Variants in FRMPD1 observed in about 807,000 individuals in gnomAD.
FRMPD1 encodes the protein FERM and PDZ domain containing 1.
FRMPD1 carries 76 observed loss-of-function variants against 117.8 expected under a neutral mutation model. That is an observed-to-expected ratio of 0.65 (90% CI 0.54 to 0.78). FRMPD1 has a LOEUF of 0.78. FRMPD1 is among the 30% of genes least tolerant of loss of function. The pLI, the probability that FRMPD1 is intolerant of heterozygous loss-of-function variation, is 0.00. For synonymous variants in FRMPD1, 783 were observed against 770.4 expected (o/e 1.02, Z -0.27); for missense variants, 1,786 against 1,964.5 (o/e 0.91, Z 1.72).
At chr9:37,656,497 A>G (rs1213579833) in intron 1 of FRMPD1, among the ~76,000 whole-genome samples, 2 of 152,250 alleles carry the variant, frequency 1.3e-5, no homozygotes, top group African/African-American at 2.4e-5. Context: ...AAAGCTTTCA[A>G]ACACCAAATA....
the FRMPD1 span, among the ~76,000 whole-genome samples, chr9:37,615,541 G>C: frequency 2.0e-5 from 3 of 152,088 alleles, no homozygotes; most frequent in Admixed American, 6.5e-5. Context: ...AGGTGACTTA[G>C]CAAATCTCTA....
At position 37,745,101 on chromosome 9, in the gene FRMPD1, C is replaced by A. The variant is rs1302150408; in HGVS notation, c.3069C>A (p.Asp1023Glu). ...TCTCCAGTGGTGACCCTAACCCAGACAGAGCCTGCCTGGCCAGCAACCCAG... is the reference window on the plus strand; with the variant it reads ...TCTCCAGTGGTGACCCTAACCCAGAAAGAGCCTGCCTGGCCAGCAACCCAG... ...FSLSSGDPNP[D>E]RACLASNPGL... The change falls in exon 16 of 16, where the codon GAC (aspartate) becomes GAA (glutamate). Residue 1023 changes from aspartate to glutamate, a missense_variant. By Grantham distance (45) the Asp-to-Glu change is conservative (BLOSUM62 2). Coordinates refer to ENST00000377765, the MANE Select transcript of FRMPD1 (RefSeq NM_014907.3). 6.2e-7 allele frequency: 1 copy of A among 1,614,018 alleles called. No individual in the cohort carries two copies. The highest frequency in any genetic ancestry group is 1.3e-5 in the African/African-American group (1 of 74,942).
chr9:37,632,909 A>G, the FRMPD1 span, among the ~76,000 whole-genome samples: 1,721 of 147,796 alleles, frequency 0.012, 38 homozygotes, highest in East Asian at 0.094. Context: ...AAATTTCTGT[A>G]TATATATAAT....
upstream of FRMPD1, among the ~76,000 whole-genome samples, chr9:37,647,476 C>T (rs919265659): frequency 1.3e-5 from 2 of 148,792 alleles, no homozygotes; most frequent in Admixed American, 6.7e-5. Context: ...CGCGCCACTG[C>T]ACTCCAGCCT....
rs761046089 is a variant in FRMPD1 at position 37,746,813 on chromosome 9, A to T, written c.*44A>T. On this transcript the variant is annotated 3_prime_UTR_variant, in exon 16 of 16. Transcript: ENST00000377765. ...GGCCTCCTGCCCTGTCCTGCCTTGG[A>T]CACTTCCCTGAGAAGCCCCTTCCAC... 2 of 1,387,290 alleles carry T rather than the reference A, an allele frequency of 1.4e-6. No homozygotes were observed. Among genetic ancestry groups the T allele is most frequent in the South Asian group, 2.4e-5 (2 of 84,006 alleles). 85.9% of individuals were successfully genotyped at this position (1,387,290 alleles called of 1,614,324 possible).
chr9:37,709,963 T>C (rs1822849122), intron 4 of FRMPD1, among the ~76,000 whole-genome samples: 1 of 152,216 alleles, frequency 6.6e-6, no homozygotes, highest in Non-Finnish European at 1.5e-5. Flanking sequence ...TCTGCTGTCT[T>C]TTGCATGTGA....
chr9:37,675,350 G>A (rs1275928416), intron 1 of FRMPD1, among the ~76,000 whole-genome samples: 3 of 151,838 alleles, frequency 2.0e-5, no homozygotes, highest in African/African-American at 7.3e-5. Context: ...GAAACTGGGA[G>A]ATGGAGGTTG....
At chr9:37,628,585 T>C in the FRMPD1 span, among the ~76,000 whole-genome samples, 3 of 152,250 alleles carry the variant, frequency 2.0e-5, no homozygotes, top group East Asian at 1.9e-4. Context: ...TATTAGCAAC[T>C]GTATTTAAAA....
the FRMPD1 span, among the ~76,000 whole-genome samples, chr9:37,611,328 A>G: frequency 0.16 from 24,723 of 152,146 alleles, 2,390 homozygotes; most frequent in African/African-American, 0.27. Context: ...GCGAATCTAC[A>G]TGTGCTTCTG....
chr9:37,743,477 T>C (rs1824517734), intron 15 of FRMPD1, among the ~76,000 whole-genome samples: 2 of 143,060 alleles, frequency 1.4e-5, no homozygotes, highest in Non-Finnish European at 1.5e-5. Context: ...CAGGATTCCC[T>C]ACCTGTATTA....
At chr9:37,617,410 G>A in the FRMPD1 span, among the ~76,000 whole-genome samples, 9 of 152,146 alleles carry the variant, frequency 5.9e-5, no homozygotes, top group Non-Finnish European at 1.3e-4. Context: ...TTGCCCACTG[G>A]GATAAGTCTT....
upstream of FRMPD1, among the ~76,000 whole-genome samples, chr9:37,647,429 G>A (rs1324841411): frequency 1.3e-5 from 2 of 151,074 alleles, no homozygotes; most frequent in African/African-American, 2.4e-5. Flanking sequence ...GGAGAATGGC[G>A]TGAACCCAGG....
At position 37,731,609 on chromosome 9, in the gene FRMPD1, C is replaced by T. The variant is rs984796839; in HGVS notation, c.858+506C>T. Among the ~76,000 whole-genome samples the T allele has an allele frequency of 6.6e-5, 10 of 152,156 alleles. No homozygotes were observed. In the East Asian group the frequency reaches 7.7e-4, roughly 12 times the overall value. ...ATTTGGAGCCGGGTGCGGTAGCTCA[C>T]GCCTGTAATGTCAGCATTTTAGGAG... On this transcript the variant is annotated intron_variant, in intron 9 of 15. Coordinates refer to ENST00000377765, the MANE Select transcript of FRMPD1 (RefSeq NM_014907.3).
At chr9:37,714,333 C>A (rs570852844) in intron 5 of FRMPD1, among the ~76,000 whole-genome samples, 1 of 152,234 alleles carries the variant, frequency 6.6e-6, no homozygotes, top group East Asian at 1.9e-4. Context: ...ATGTAGGGAG[C>A]AAGGGCAACA....
At chr9:37,653,650 G>A (rs1820749709) in intron 1 of FRMPD1, among the ~76,000 whole-genome samples, 1 of 152,134 alleles carries the variant, frequency 6.6e-6, no homozygotes, top group Admixed American at 6.5e-5. Context: ...GGGGAGGGGG[G>A]CAGATTTGAC....
intron 1 of FRMPD1, among the ~76,000 whole-genome samples, chr9:37,679,903 A>T (rs1459426747): frequency 6.6e-6 from 1 of 152,240 alleles, no homozygotes; most frequent in Non-Finnish European, 1.5e-5. Context: ...GAGGGTAAGC[A>T]GTAAGACAGA....
intron 14 of FRMPD1, 33 bp downstream of exon 14, chr9:37,737,276 G>C: frequency 6.2e-7 from 1 of 1,610,268 alleles, no homozygotes; most frequent in Non-Finnish European, 8.5e-7. Context: ...AATAAGGACA[G>C]GCCCCTTTCA....
At chr9:37,630,763 G>A in the FRMPD1 span, among the ~76,000 whole-genome samples, 6 of 152,120 alleles carry the variant, frequency 3.9e-5, no homozygotes, top group South Asian at 2.1e-4. Flanking sequence ...TGTGCATCCC[G>A]GTTTAGGCAT....
At chr9:37,662,238 C>A (rs938645540) in intron 1 of FRMPD1, among the ~76,000 whole-genome samples, 5 of 152,118 alleles carry the variant, frequency 3.3e-5, no homozygotes, top group African/African-American at 1.2e-4. Flanking sequence ...CAATAATAAA[C>A]CCACTCCTGC....
Sources: allele counts gnomAD v4.1 joint callset (sites outside exome capture counted in the v4.1 genomes callset), GRCh38; gene constraint gnomAD v4.1.1; transcripts MANE v1.5; gene names NCBI Gene and HGNC (gene_info 2026-07-23, HGNC 2026-07-21).